The following ATG12 variants were observed in gnomAD, a reference collection of about 807,000 sequenced individuals.
The protein encoded by ATG12 is autophagy related 12, also known as ubiquitin-like protein ATG12.
Under a neutral mutation model 17.6 loss-of-function variants are expected in ATG12, and 19 were observed. That is an observed-to-expected ratio of 1.08 (90% CI 0.75 to 1.58). The LOEUF is 1.58. Ranked by LOEUF, ATG12 falls within the 40% of genes most tolerant of loss-of-function variation. The pLI is 0.00. For synonymous variants in ATG12, 75 were observed against 62.4 expected, an observed-to-expected ratio of 1.20 and a Z score of -0.95; for missense variants, 214 against 162.0, an observed-to-expected ratio of 1.32 and a Z score of -1.74.
In ATG12 at chr5:115,841,446, G is replaced by A; in HGVS notation, c.107C>T (p.Ser36Phe). ...SPETTTPEPP[S>F]SAAVSPGTEE... ...TGTTCCCGGGGAAACTGCAGCGGAA[G>A]ACGGGGGCTCCGGGGTGGTTGTTTC... Residue 36 changes from serine to phenylalanine, a missense_variant, in exon 1 of 4, where the codon TCT becomes TTT. Coordinates refer to ENST00000509910, the MANE Select transcript of ATG12 (RefSeq NM_004707.4). 6.2e-7 allele frequency: 1 copy of A among 1,610,428 alleles called. No homozygotes were observed. Among genetic ancestry groups the A allele is most frequent in the Non-Finnish European group, 8.5e-7 (1 of 1,179,132 alleles).
chr5:115,835,045 T>A (rs555527217), intron 2 of ATG12: 1 of 152,300 alleles, frequency 6.6e-6, no homozygotes, highest in South Asian at 2.1e-4. Context: ...TATTATCCGT[T>A]GTTTATGTTC....
intron 1 of ATG12, chr5:115,840,698 A>G (rs183741473): frequency 8.4e-7 from 1 of 1,196,862 alleles, no homozygotes; most frequent in Admixed American, 3.5e-5. Context: ...CCCATAGGCA[A>G]CTCTAACTCT....
chr5:115,837,420 T>C (rs1046274051), intron 2 of ATG12, among the ~76,000 whole-genome samples: 3 of 151,758 alleles, frequency 2.0e-5, no homozygotes, highest in Non-Finnish European at 4.4e-5. Flanking sequence ...GAGGAGAAGG[T>C]TGCAGTGTGT....
Position 115,831,217 on chromosome 5 carries a change from T to C in ATG12, c.*587A>G, listed in dbSNP as rs1760856913. ...TGTGTAAAATTACAGTCTTTCAGTC[T>C]GTCCTATGTGCTTGCTCTCCTGGCT... On this transcript the variant is annotated 3_prime_UTR_variant, in exon 4 of 4. Transcript: ENST00000509910. 1 of 152,368 alleles carries C rather than the reference T, an allele frequency of 6.6e-6. No homozygotes were observed. The allele number at this position is 152,368 out of a possible 1,614,324, so 9.4% of individuals were successfully genotyped here. A position where few individuals can be genotyped will look rare whatever the true frequency, so the allele number is the denominator to read the frequency against.
rs114238378 is a variant in ATG12 at position 115,831,597 on chromosome 5, T to G, written c.*207A>C. 5.3e-3 allele frequency: 3,234 copies of G among 612,458 alleles called. 11 individuals carry two copies. The highest frequency in any genetic ancestry group is 6.9e-3 in the Non-Finnish European group (2,379 of 347,012). The allele number at this position is 612,458 out of a possible 1,614,324, so 37.9% of individuals were successfully genotyped here. A position where few individuals can be genotyped will look rare whatever the true frequency, so the allele number is the denominator to read the frequency against. ...CAATGGGTGTACTATCATGACCATC[T>G]TTTATGATGACTGGTGCATTAATAC... On this transcript the variant is annotated 3_prime_UTR_variant, in exon 4 of 4. Transcript: ENST00000509910.
intron 2 of ATG12, chr5:115,833,949 T>A (rs1760990789): frequency 6.6e-6 from 1 of 152,178 alleles, no homozygotes; most frequent in Non-Finnish European, 1.5e-5. Context: ...ACTATGAAGA[T>A]TAATGTGATC....
Position 115,830,071 on chromosome 5 carries a change from T to G in ATG12, c.*1733A>C, listed in dbSNP as rs1283188477. ...GGTAGAGGTTGCAATGAGCCAAGATTGTGCCATTACAGTCCAGCCTGGGCA... is the reference window on the plus strand; with the variant it reads ...GGTAGAGGTTGCAATGAGCCAAGATGGTGCCATTACAGTCCAGCCTGGGCA... On this transcript the variant is annotated 3_prime_UTR_variant, in exon 4 of 4. Coordinates refer to ENST00000509910, the MANE Select transcript of ATG12 (RefSeq NM_004707.4). The G allele has an allele frequency of 1.3e-5, 2 of 150,048 alleles. No individual in the cohort carries two copies. Among genetic ancestry groups the G allele is most frequent in the South Asian group, 2.1e-4 (1 of 4,764 alleles). 9.3% of individuals were successfully genotyped at this position (150,048 alleles called of 1,614,324 possible).
intron 3 of ATG12, 52 bp from the exon 4 acceptor site, chr5:115,831,915 TGAAA>T: frequency 4.6e-6 from 7 of 1,529,356 alleles, no homozygotes; most frequent in Non-Finnish European, 6.3e-6. Flanking sequence ...TATTCTTAGA[TGAAA>T]CTAAGAAGAT....
At chr5:115,834,026 A>G (rs543429024) in intron 2 of ATG12, 2 of 152,340 alleles carry the variant, frequency 1.3e-5, no homozygotes, top group Admixed American at 6.5e-5. Flanking sequence ...ACGGGTGAGA[A>G]AAGTACATCT....
intron 2 of ATG12, among the ~76,000 whole-genome samples, chr5:115,836,337 T>C (rs188746000): frequency 2.2e-4 from 33 of 152,338 alleles, no homozygotes; most frequent in Admixed American, 1.4e-3. Flanking sequence ...CATTTCATTT[T>C]TCTTAAATCT....
chr5:115,830,291 A>G lies in ATG12; in HGVS notation c.*1513T>C, dbSNP rs910639452. The G allele has an allele frequency of 1.3e-5, 2 of 152,072 alleles. No homozygotes were observed. The highest frequency in any genetic ancestry group is 2.9e-5 in the Non-Finnish European group (2 of 68,008). 9.4% of individuals were successfully genotyped at this position (152,072 alleles called of 1,614,324 possible). A position where few individuals can be genotyped will look rare whatever the true frequency, so the allele number is the denominator to read the frequency against. ...ATGGATGCTACAAATTTCAACCAGT[A>G]TTTTCGATTTTTTGAGGTCTATCAT... is the stretch of plus-strand genomic sequence containing the variant. On this transcript the variant is annotated 3_prime_UTR_variant, in exon 4 of 4. Coordinates refer to ENST00000509910, the MANE Select transcript of ATG12 (RefSeq NM_004707.4).
rs1217806393 is a variant in ATG12 at position 115,840,626 on chromosome 5, G to A, written c.163+764C>T. On this transcript the variant is annotated intron_variant, in intron 1 of 3. Coordinates refer to ENST00000509910, the MANE Select transcript of ATG12 (RefSeq NM_004707.4). ...GACCACTGTCATCTTAAGACAGAAC[G>A]GGGAAAACGTCTAAGGACGAAATCA... The A allele has an allele frequency of 3.9e-6, 5 of 1,267,988 alleles. No homozygotes were observed. The African/African-American group carries it at 6.2e-5, about 16-fold the overall frequency. 78.5% of individuals were successfully genotyped at this position (1,267,988 alleles called of 1,614,324 possible). A position where few individuals can be genotyped will look rare whatever the true frequency, so the allele number is the denominator to read the frequency against.
chr5:115,836,930 T>TG (rs1170083263), intron 2 of ATG12, among the ~76,000 whole-genome samples: 1 of 152,248 alleles, frequency 6.6e-6, no homozygotes, highest in African/African-American at 2.4e-5. Flanking sequence ...ACTGTTAACA[T>TG]GAAGTATTTC....
rs930827626 is a variant in ATG12, at chr5:115,840,764, T to C, written c.163+626A>G. 5.1e-6 allele frequency: 6 copies of C among 1,179,620 alleles called. No homozygotes were observed. The East Asian group carries it at 2.5e-4, about 48-fold the overall frequency. The allele number at this position is 1,179,620 out of a possible 1,614,324, so 73.1% of individuals were successfully genotyped here. On this transcript the variant is annotated intron_variant, in intron 1 of 3. Coordinates refer to ENST00000509910, the MANE Select transcript of ATG12 (RefSeq NM_004707.4). Reference sequence around the variant, plus strand: ...GCAATCTCTTTTACAAAGGGAAACATTCTCAAGCAATAAAGGGTTGAGGAT... The same window carrying C: ...GCAATCTCTTTTACAAAGGGAAACACTCTCAAGCAATAAAGGGTTGAGGAT...
intron 1 of ATG12, chr5:115,838,801 ACATCTGG>A (rs1269480944): frequency 6.6e-6 from 1 of 152,244 alleles, no homozygotes; most frequent in East Asian, 1.9e-4. Flanking sequence ...AAACAAACAT[ACATCTGG>A]CTGGGCGCGG....
At position 115,836,438 on chromosome 5, in the gene ATG12, G is replaced by A. The variant is rs540316705; in HGVS notation, c.300+1190C>T. Among the ~76,000 whole-genome samples, 25 of 152,202 alleles carry A rather than the reference G, an allele frequency of 1.6e-4. No homozygotes were observed. The South Asian group carries it at 4.6e-3, about 28-fold the overall frequency. ...CATCTTTAGCAAAGATGCAGCCTCT[G>A]CTCATTTCTCTCAAGTGTATGTCCT... On this transcript the variant is annotated intron_variant, in intron 2 of 3. Transcript: ENST00000509910.
At chr5:115,832,766 T>A in intron 2 of ATG12, 102 bp from the exon 3 acceptor site, 2 of 1,155,968 alleles carry the variant, frequency 1.7e-6, no homozygotes, top group South Asian at 2.1e-5. Context: ...GTTTTCACAA[T>A]TGAAGAAAGC....
intron 1 of ATG12, 143 bp downstream of exon 1, chr5:115,841,247 T>C (rs1761450676): frequency 8.9e-7 from 1 of 1,125,180 alleles, no homozygotes; most frequent in Admixed American, 2.7e-5. Context: ...AATCAAAAAG[T>C]ACACTTCTTT....
At position 115,841,522 on chromosome 5, in the gene ATG12, G is replaced by A. The variant is rs561016735; in HGVS notation, c.31C>T (p.Leu11Phe). ...CCTCCAGCAGCAATTGAAGTAGGAA[G>A]CTGCAACACAGACTGCGGCTCCTCC... MAEEPQSVLQ[L>F]PTSIAAGGEG... Residue 11 changes from leucine (L) to phenylalanine (F), a missense_variant, in exon 1 of 4, where the codon CTT becomes TTT. By Grantham distance (22) the Leu-to-Phe change is conservative. Transcript: ENST00000509910. 1.2e-6 allele frequency: 2 copies of A among 1,612,816 alleles called. No homozygotes were observed. Among genetic ancestry groups the A allele is most frequent in the Non-Finnish European group, 1.7e-6 (2 of 1,179,514 alleles).
Sources: gnomAD v4.1 joint callset for allele counts (sites outside exome capture counted in the v4.1 genomes callset) on GRCh38, gnomAD v4.1.1 for gene constraint, MANE v1.5 for transcripts, NCBI Gene and HGNC (gene_info 2026-07-23, HGNC 2026-07-21) for gene names.